BTNL8: variants seen among roughly 807,000 people sequenced by gnomAD.
BTNL8 encodes butyrophilin-like protein 8.
In BTNL8, 22 loss-of-function variants were observed where a neutral mutation model predicts 36.1. The ratio of observed to expected loss-of-function variants is 0.61; its 90% CI spans 0.44 to 0.87. The LOEUF is 0.87. Among genes scored for constraint, BTNL8 ranks in the 40% least tolerant of loss-of-function variants. The pLI is 0.00. For missense variants in BTNL8, 526 were observed against 616.9 expected (o/e 0.85, Z 1.56); for synonymous variants, 203 against 235.6 (o/e 0.86, Z 1.27).
At chr5:180,909,285 C>A (rs1020644889) in intron 2 of BTNL8, among the ~76,000 whole-genome samples, 23 of 152,164 alleles carry the variant, frequency 1.5e-4, no homozygotes, top group African/African-American at 5.3e-4. Flanking sequence ...CCGCAGGTGA[C>A]CTTTTGAGAT....
intron 7 of BTNL8, 124 bp from the exon 8 acceptor site, chr5:180,949,780 C>A: frequency 8.2e-7 from 1 of 1,221,488 alleles, no homozygotes; most frequent in Non-Finnish European, 1.1e-6. Flanking sequence ...CTGCGGGAGG[C>A]TCAGGTCCGG....
intron 2 of BTNL8, 41 bp downstream of exon 2, chr5:180,908,974 A>G (rs1001861581): frequency 6.5e-7 from 1 of 1,541,468 alleles, no homozygotes. Context: ...CCAAAGAACC[A>G]TCCTGGACTT....
chr5:180,907,596 G>T (rs1310153057), intron 1 of BTNL8, among the ~76,000 whole-genome samples: 3 of 133,280 alleles, frequency 2.3e-5, no homozygotes, highest in Non-Finnish European at 4.9e-5. Context: ...GAGGAGAGGC[G>T]CTCTGCTTTT....
At chr5:180,922,111 T>A (rs1757893677) in intron 3 of BTNL8, among the ~76,000 whole-genome samples, 1 of 151,944 alleles carries the variant, frequency 6.6e-6, no homozygotes, top group Non-Finnish European at 1.5e-5. Context: ...TAGCTAGTGG[T>A]CTATATATTT....
chr5:180,902,745 A>G (rs1301227360), intron 1 of BTNL8, among the ~76,000 whole-genome samples: 2 of 143,782 alleles, frequency 1.4e-5, no homozygotes, highest in Non-Finnish European at 3.0e-5. Context: ...TCATTGTTCA[A>G]TTCCCACCTA....
At chr5:180,905,738 G>A (rs1374816207) in intron 1 of BTNL8, among the ~76,000 whole-genome samples, 3 of 141,768 alleles carry the variant, frequency 2.1e-5, no homozygotes, top group South Asian at 4.5e-4. Flanking sequence ...CTTTGTTCTC[G>A]TTGGTTTCAA....
intron 3 of BTNL8, among the ~76,000 whole-genome samples, chr5:180,919,572 T>G (rs913190120): frequency 6.6e-6 from 1 of 152,062 alleles, no homozygotes; most frequent in Non-Finnish European, 1.5e-5. Flanking sequence ...AAAAAGAAAA[T>G]TAATAAAAAG....
chr5:180,948,323 G>A lies in BTNL8; in HGVS notation c.788-32G>A. ...GTGTTTGTGCCTTGTACACTCCTGT[G>A]TCCACCACTGAATATACTGTTTCTG... On this transcript the variant is annotated intron_variant, in intron 4 of 7. Transcript: ENST00000340184. 6 of 1,465,638 alleles carry A rather than the reference G, an allele frequency of 4.1e-6. 1 individual carries two copies. In the Admixed American group the frequency reaches 9.3e-5, roughly 23 times the overall value. 90.8% of individuals were successfully genotyped at this position (1,465,638 alleles called of 1,614,324 possible).
intron 3 of BTNL8, among the ~76,000 whole-genome samples, chr5:180,926,651 A>G (rs1758117644): frequency 6.6e-6 from 1 of 152,320 alleles, no homozygotes; most frequent in East Asian, 1.9e-4. Flanking sequence ...GGACATCACC[A>G]TTACTGAGGC....
intron 1 of BTNL8, among the ~76,000 whole-genome samples, chr5:180,900,370 TG>T (rs1368336142): frequency 4.6e-5 from 7 of 152,236 alleles, no homozygotes; most frequent in African/African-American, 1.7e-4. Flanking sequence ...ACATTCCTGC[TG>T]GGGCTGTGGT....
At chr5:180,906,445 C>T (rs1757090448) in intron 1 of BTNL8, among the ~76,000 whole-genome samples, 1 of 122,342 alleles carries the variant, frequency 8.2e-6, no homozygotes, top group Admixed American at 7.8e-5. Context: ...TTCCTGAATA[C>T]AGCACACTGA....
chr5:180,923,554 C>T (rs571683605), intron 3 of BTNL8, among the ~76,000 whole-genome samples: 1 of 152,082 alleles, frequency 6.6e-6, no homozygotes, highest in South Asian at 2.1e-4. Context: ...CCCATAGCTA[C>T]CATGATACAT....
At chr5:180,928,124 A>G (rs973718055) in intron 3 of BTNL8, among the ~76,000 whole-genome samples, 1 of 152,240 alleles carries the variant, frequency 6.6e-6, no homozygotes, top group Non-Finnish European at 1.5e-5. Context: ...CATCAGACTA[A>G]CAGTGGATCT....
intron 3 of BTNL8, among the ~76,000 whole-genome samples, chr5:180,927,167 A>G: frequency 6.6e-6 from 1 of 152,212 alleles, no homozygotes; most frequent in Non-Finnish European, 1.5e-5. Context: ...TCCGCTGATG[A>G]TACCCAAGCA....
intron 1 of BTNL8, among the ~76,000 whole-genome samples, chr5:180,904,538 C>G (rs991192165): frequency 4.4e-5 from 6 of 135,214 alleles, no homozygotes; most frequent in Non-Finnish European, 9.3e-5. Context: ...GCCTAATTGC[C>G]CTGGCCAGAA....
chr5:180,926,818 C>G (rs1359274621), intron 3 of BTNL8, among the ~76,000 whole-genome samples: 3 of 152,188 alleles, frequency 2.0e-5, no homozygotes, highest in African/African-American at 7.2e-5. Flanking sequence ...GGCAGCAGCC[C>G]CAGTCAAGGG....
chr5:180,908,172 T>C (rs895382525), intron 1 of BTNL8, among the ~76,000 whole-genome samples: 41 of 152,044 alleles, frequency 2.7e-4, no homozygotes, highest in Non-Finnish European at 4.6e-4. Flanking sequence ...GACTCTGTGG[T>C]CATAGGACCC....
chr5:180,927,008 C>A lies in BTNL8; in HGVS notation c.673+15394C>A, dbSNP rs545990413. 2.6e-5 allele frequency among the ~76,000 whole-genome samples: 4 copies of A among 152,322 alleles called. No individual in the cohort carries two copies. In the East Asian group the frequency reaches 5.8e-4, roughly 22 times the overall value. On this transcript the variant is annotated intron_variant, in intron 3 of 7. Transcript: ENST00000340184. ...ACTGCCTCTTCAAGTGGGTCCCTGA[C>A]CCCTGTGCCTTTTGACTGAAAGACA...
intron 3 of BTNL8, among the ~76,000 whole-genome samples, chr5:180,932,388 C>T (rs770994910): frequency 2.0e-4 from 30 of 152,270 alleles, no homozygotes; most frequent in Non-Finnish European, 4.0e-4. Flanking sequence ...GCTCTGTCGC[C>T]CAGGCTGGAG....
Sources: allele counts gnomAD v4.1 joint callset (sites outside exome capture counted in the v4.1 genomes callset), GRCh38; gene constraint gnomAD v4.1.1; transcripts MANE v1.5; gene names NCBI Gene and HGNC (gene_info 2026-07-23, HGNC 2026-07-21).